AVL9: variants seen among roughly 807,000 people sequenced by gnomAD.
The protein encoded by AVL9 is late secretory pathway protein AVL9 homolog.
Under a neutral mutation model 79.2 loss-of-function variants are expected in AVL9, and 49 were observed. The observed-to-expected ratio is 0.62, with a 90% CI of 0.49 to 0.79. AVL9 has a LOEUF of 0.79. AVL9 is among the 30% of genes least tolerant of loss of function. The pLI, the probability that AVL9 is intolerant of heterozygous loss-of-function variation, is 0.00. For missense variants in AVL9, 682 were observed against 776.8 expected (o/e 0.88, Z 1.45); for synonymous variants, 299 against 280.6 (o/e 1.07, Z -0.65).
At chr7:32,523,168 AAAAAGG>A (rs1788240774) in intron 1 of AVL9, among the ~76,000 whole-genome samples, 1 of 151,614 alleles carries the variant, frequency 6.6e-6, no homozygotes, top group Non-Finnish European at 1.5e-5. Flanking sequence ...AAAAAAAAAA[AAAAAGG>A]AAAGCAAAAA....
At chr7:32,508,713 G>C (rs1481162528) in intron 1 of AVL9, among the ~76,000 whole-genome samples, 2 of 152,158 alleles carry the variant, frequency 1.3e-5, no homozygotes, top group African/African-American at 2.4e-5. Context: ...GTTGCCTTAA[G>C]ACCACTTTAT....
rs1583551298 is a variant in AVL9, at chr7:32,544,592, T to C, written c.215-102T>C. Reference sequence around the variant, plus strand: ...ATGATTTGGATTCCTTGTTTTATCATCATTTTTGTGTTAATGACTGCATTA... The same window carrying C: ...ATGATTTGGATTCCTTGTTTTATCACCATTTTTGTGTTAATGACTGCATTA... On this transcript the variant is annotated intron_variant, in intron 2 of 15. Transcript: ENST00000318709. 9 of 746,646 alleles carry C rather than the reference T, an allele frequency of 1.2e-5. No individual in the cohort carries two copies. In the East Asian group the frequency reaches 2.4e-4, roughly 20 times the overall value. The allele number at this position is 746,646 out of a possible 1,614,324, so 46.3% of individuals were successfully genotyped here. A position where few individuals can be genotyped will look rare whatever the true frequency, so the allele number is the denominator to read the frequency against.
intron 3 of AVL9, among the ~76,000 whole-genome samples, chr7:32,546,292 G>A (rs34319173): frequency 0.33 from 49,800 of 151,750 alleles, 8,744 homozygotes; most frequent in East Asian, 0.48. Context: ...CTCATAGACT[G>A]TGTGTCTCTT....
At chr7:32,524,243 C>T (rs186002742) in intron 1 of AVL9, among the ~76,000 whole-genome samples, 17 of 152,004 alleles carry the variant, frequency 1.1e-4, no homozygotes, top group African/African-American at 2.7e-4. Flanking sequence ...TCGCTGGGCA[C>T]GGTGGCTCAC....
At chr7:32,505,021 A>G (rs922405466) in intron 1 of AVL9, among the ~76,000 whole-genome samples, 1 of 151,686 alleles carries the variant, frequency 6.6e-6, no homozygotes, top group Non-Finnish European at 1.5e-5. Context: ...TTACAAGAGT[A>G]TGCCACCATG....
rs1791845598 is a variant in AVL9, at chr7:32,587,381, T to C, written c.*3474T>C. On this transcript the variant is annotated 3_prime_UTR_variant, in exon 16 of 16. Transcript: ENST00000318709. ...TATCACCCTGGCAGGTAGGTTTTGT[T>C]ATTGTTTTACATTTTGTGAAAAAAA... The C allele has an allele frequency of 6.6e-6, 1 of 152,232 alleles. No individual in the cohort carries two copies. The highest frequency in any genetic ancestry group is 1.5e-5 in the Non-Finnish European group (1 of 68,046). 9.4% of individuals were successfully genotyped at this position (152,232 alleles called of 1,614,324 possible).
intron 1 of AVL9, among the ~76,000 whole-genome samples, chr7:32,525,933 T>C (rs571286816): frequency 6.6e-6 from 1 of 152,198 alleles, no homozygotes; most frequent in Admixed American, 6.5e-5. Context: ...TGCGGATACA[T>C]TGTAGGGTGA....
chr7:32,558,486 C>T (rs894367386), intron 8 of AVL9, 73 bp from the exon 9 acceptor site: 51 of 1,199,118 alleles, frequency 4.3e-5, no homozygotes, highest in Admixed American at 8.3e-5. Context: ...GAATTTTTCC[C>T]TCTTTTTTAT....
intron 1 of AVL9, among the ~76,000 whole-genome samples, chr7:32,531,046 C>A (rs1170888048): frequency 1.3e-5 from 2 of 152,078 alleles, no homozygotes; most frequent in Non-Finnish European, 2.9e-5. Flanking sequence ...CTCCAGAGAA[C>A]AAGAGAGGCT....
chr7:32,581,271 C>T (rs1791494919), intron 15 of AVL9: 1 of 157,610 alleles, frequency 6.3e-6, no homozygotes, highest in South Asian at 2.0e-4. Flanking sequence ...GAAAATGAAG[C>T]CAACAGTTGG....
At chr7:32,540,871 C>CTTTTTTTTTTTTTTT (rs749306635) in intron 1 of AVL9, among the ~76,000 whole-genome samples, 1 of 72,470 alleles carries the variant, frequency 1.4e-5, no homozygotes, top group African/African-American at 4.8e-5. Flanking sequence ...TGTTGTACTA[C>CTTTTTTTTTTTTTTT]TTTTTTTTTT....
At chr7:32,566,690 A>G (rs1378720732) in intron 10 of AVL9, among the ~76,000 whole-genome samples, 1 of 150,212 alleles carries the variant, frequency 6.7e-6, no homozygotes, top group Non-Finnish European at 1.5e-5. Flanking sequence ...CATCCTGGCT[A>G]ACACGGTGAA....
rs766980783 is a variant in AVL9, at chr7:32,580,841, C to T, written c.1782C>T (p.Asn594=). 22 of 1,613,676 alleles carry T rather than the reference C, an allele frequency of 1.4e-5. No homozygotes were observed. Among genetic ancestry groups the T allele is most frequent in the Middle Eastern group, 1.6e-4 (1 of 6,084 alleles). Reference sequence around the variant, plus strand: ...GTGAACGTGGCAAAAAAATTGGAAACGTCATGGTCACAACTAGCCGGAATG... The same window carrying T: ...GTGAACGTGGCAAAAAAATTGGAAATGTCATGGTCACAACTAGCCGGAATG... ...QNSERGKKIG[N]VMVTTSRNVV... is the part of the protein sequence containing the mutation. Residue 594 remains asparagine (N), a synonymous_variant, in exon 15 of 16, where the codon AAC becomes AAT. Transcript: ENST00000318709.
At chr7:32,554,641 T>C in intron 8 of AVL9, 45 bp downstream of exon 8, 10 of 1,301,124 alleles carry the variant, frequency 7.7e-6, no homozygotes, top group Non-Finnish European at 1.0e-5. Flanking sequence ...ATTTAACTTT[T>C]ATTCACTTTT....
intron 4 of AVL9, among the ~76,000 whole-genome samples, chr7:32,550,169 CAAT>C (rs1359365411): frequency 6.6e-6 from 1 of 152,128 alleles, no homozygotes; most frequent in Admixed American, 6.6e-5. Context: ...AGGACGATTA[CAAT>C]AATAATAGAT....
intron 7 of AVL9, 43 bp from the exon 8 acceptor site, chr7:32,554,515 T>G (rs765899668): frequency 1.2e-5 from 15 of 1,288,788 alleles, no homozygotes; most frequent in Non-Finnish European, 1.6e-5. Context: ...ATTATAGGCG[T>G]GAGTCTCTCA....
chr7:32,566,246 G>T (rs1304573402), intron 10 of AVL9, among the ~76,000 whole-genome samples: 2 of 124,492 alleles, frequency 1.6e-5, no homozygotes, highest in East Asian at 5.3e-4. Flanking sequence ...GTGCAATCTC[G>T]GCTCTCTGCA....
chr7:32,510,744 C>T (rs1268317441), intron 1 of AVL9, among the ~76,000 whole-genome samples: 99 of 67,496 alleles, frequency 1.5e-3, no homozygotes, highest in East Asian at 1.9e-3. Context: ...AAACCATCTC[C>T]CCAGGGTAAG....
At chr7:32,543,893 T>TTTTC (rs71559234) in intron 2 of AVL9, among the ~76,000 whole-genome samples, 11 of 143,404 alleles carry the variant, frequency 7.7e-5, no homozygotes, top group Non-Finnish European at 9.2e-5. Context: ...TTGCTATTGA[T>TTTTC]TTTCTTTCTT....
Sources: gnomAD v4.1 joint callset for allele counts (sites outside exome capture counted in the v4.1 genomes callset) on GRCh38, gnomAD v4.1.1 for gene constraint, MANE v1.5 for transcripts, NCBI Gene and HGNC (gene_info 2026-07-23, HGNC 2026-07-21) for gene names.